The following YWHAB variants were observed in gnomAD, a reference collection of about 807,000 sequenced individuals.
YWHAB encodes the protein 14-3-3 protein beta/alpha.
Under a neutral mutation model 28.5 loss-of-function variants are expected in YWHAB, and 2 were observed. That is an observed-to-expected ratio of 0.07 (90% CI 0.03 to 0.22). The LOEUF (loss-of-function observed/expected upper bound fraction) is 0.22. Among genes scored for constraint, YWHAB ranks in the 10% least tolerant of loss-of-function variants. The probability of loss-of-function intolerance (pLI) is 1.00; values close to 1 mark genes in which losing one functional copy is unlikely to be tolerated. For missense variants in YWHAB, 148 were observed against 297.1 expected (o/e 0.50, Z 3.69); for synonymous variants, 103 against 104.7 (o/e 0.98, Z 0.10).
chr20:44,888,190 A>G (rs547890807), intron 1 of YWHAB, among the ~76,000 whole-genome samples: 2 of 152,208 alleles, frequency 1.3e-5, no homozygotes, highest in African/African-American at 2.4e-5. Context: ...ACGTGTATAG[A>G]TTAGACATAG....
chr20:44,898,930 A>G (rs899305235), intron 1 of YWHAB, among the ~76,000 whole-genome samples: 2 of 150,812 alleles, frequency 1.3e-5, no homozygotes, highest in Non-Finnish European at 3.0e-5. Flanking sequence ...CAGCCTGAGC[A>G]ATGTAGTGAA....
chr20:44,896,890 T>G (rs2066599195), intron 1 of YWHAB, among the ~76,000 whole-genome samples: 1 of 152,258 alleles, frequency 6.6e-6, no homozygotes, highest in African/African-American at 2.4e-5. Context: ...GACCTTTAGC[T>G]ATGGATTTTG....
In YWHAB at chr20:44,906,953, G is replaced by A. The variant is rs1446658980; in HGVS notation, c.*515G>A. The A allele has an allele frequency of 2.0e-5, 3 of 152,928 alleles. No homozygotes were observed. Among genetic ancestry groups the A allele is most frequent in the East Asian group, 1.9e-4 (1 of 5,208 alleles). 9.5% of individuals were successfully genotyped at this position (152,928 alleles called of 1,614,324 possible). A position where few individuals can be genotyped will look rare whatever the true frequency, so the allele number is the denominator to read the frequency against. On this transcript the variant is annotated 3_prime_UTR_variant, in exon 6 of 6. Transcript: ENST00000353703. ...ATTCACAGTAATGCTGCCGTTGTTC[G>A]GGACTTAAAGACACTTGACCTGTTT...
intron 1 of YWHAB, among the ~76,000 whole-genome samples, chr20:44,897,645 T>G (rs2066603762): frequency 6.6e-6 from 1 of 152,180 alleles, no homozygotes; most frequent in African/African-American, 2.4e-5. Flanking sequence ...GATACCAAAA[T>G]CTGAAGATAC....
At position 44,906,721 on chromosome 20, in the gene YWHAB, A is replaced by G. The variant is rs1276800539; in HGVS notation, c.*283A>G. ...TTTTTAAAAACTGAACACTGTGATTATGGGGTTTTGTAATTTAGCAGAACT... is the reference window on the plus strand; with the variant it reads ...TTTTTAAAAACTGAACACTGTGATTGTGGGGTTTTGTAATTTAGCAGAACT... On this transcript the variant is annotated 3_prime_UTR_variant, in exon 6 of 6. Coordinates refer to ENST00000353703, the MANE Select transcript of YWHAB (RefSeq NM_139323.4). The G allele has an allele frequency of 4.4e-6, 1 of 226,066 alleles. No individual in the cohort carries two copies. 14.0% of individuals were successfully genotyped at this position (226,066 alleles called of 1,614,324 possible).
In YWHAB at chr20:44,903,701, C is replaced by T. The variant is rs1173175156; in HGVS notation, c.301-292C>T. The T allele has an allele frequency of 3.7e-5, 8 of 215,964 alleles. No individual in the cohort carries two copies. In the East Asian group the frequency reaches 6.0e-4, roughly 16 times the overall value. 13.4% of individuals were successfully genotyped at this position (215,964 alleles called of 1,614,324 possible). A position where few individuals can be genotyped will look rare whatever the true frequency, so the allele number is the denominator to read the frequency against. On this transcript the variant is annotated intron_variant, in intron 2 of 5. Coordinates refer to ENST00000353703, the MANE Select transcript of YWHAB (RefSeq NM_139323.4). ...TTCCACTCAGATTTCTTTTGAGAGC[C>T]TTTCCATTATCTGTTTAGCTCTGCA... is the stretch of plus-strand genomic sequence containing the variant.
chr20:44,896,376 T>C (rs1014846368), intron 1 of YWHAB, among the ~76,000 whole-genome samples: 6 of 152,210 alleles, frequency 3.9e-5, no homozygotes, highest in African/African-American at 1.4e-4. Context: ...CTGTGAAGAA[T>C]CTTGTATGCA....
intron 1 of YWHAB, among the ~76,000 whole-genome samples, chr20:44,894,665 C>T (rs1282902283): frequency 6.6e-6 from 1 of 152,168 alleles, no homozygotes; most frequent in Admixed American, 6.5e-5. Flanking sequence ...AATAGTACTT[C>T]AGTTTGATTT....
chr20:44,891,273 T>G (rs933895233), intron 1 of YWHAB, among the ~76,000 whole-genome samples: 2 of 152,150 alleles, frequency 1.3e-5, no homozygotes, highest in Non-Finnish European at 2.9e-5. Flanking sequence ...CCGGCTAATT[T>G]TTTTATATAT....
chr20:44,898,579 G>C (rs2066608908), intron 1 of YWHAB, among the ~76,000 whole-genome samples: 1 of 151,044 alleles, frequency 6.6e-6, no homozygotes, highest in African/African-American at 2.4e-5. Flanking sequence ...CGCGATCTCT[G>C]CTCACTGCAA....
chr20:44,890,834 C>T (rs889841488), intron 1 of YWHAB, among the ~76,000 whole-genome samples: 7 of 151,804 alleles, frequency 4.6e-5, no homozygotes, highest in Admixed American at 1.3e-4. Flanking sequence ...GCTCACAATC[C>T]GGTGTGGGAG....
chr20:44,885,723 ACCG>A lies in YWHAB; in HGVS notation c.-157_-155del. 2 of 174,222 alleles carry A rather than the reference ACCG, an allele frequency of 1.1e-5. No homozygotes were observed. Among genetic ancestry groups the A allele is most frequent in the South Asian group, 2.3e-4 (2 of 8,872 alleles). 10.8% of individuals were successfully genotyped at this position (174,222 alleles called of 1,614,324 possible). On this transcript the variant is annotated 5_prime_UTR_variant, in exon 1 of 6. Transcript: ENST00000353703. ...TCGGAGCGGAAGTGGAGCTACCGCC[ACCG>A]CCGCCGCCGATTCCGGAGCCGGGGT...
At chr20:44,905,284 G>C in intron 4 of YWHAB, 153 bp downstream of exon 4, 2 of 641,338 alleles carry the variant, frequency 3.1e-6, no homozygotes, top group Non-Finnish European at 4.7e-6. Context: ...ATACAGATCT[G>C]TTACTTTTTT....
intron 1 of YWHAB, among the ~76,000 whole-genome samples, chr20:44,888,347 T>A (rs1352831397): frequency 3.9e-5 from 6 of 152,356 alleles, no homozygotes; most frequent in South Asian, 2.1e-4. Flanking sequence ...TTAAGCACTT[T>A]AAGCATATTA....
chr20:44,904,234 T>C, intron 3 of YWHAB, 118 bp downstream of exon 3: 1 of 1,309,558 alleles, frequency 7.6e-7, no homozygotes, highest in Non-Finnish European at 1.1e-6. Flanking sequence ...GTACTAAGAA[T>C]TTAAAAGACC....
At chr20:44,902,575 A>G (rs73294344) in intron 2 of YWHAB, 3,462 of 152,214 alleles carry the variant, frequency 0.023, 139 homozygotes, top group African/African-American at 0.078. Flanking sequence ...TTGGGGACCT[A>G]CCACCTTCCC....
intron 1 of YWHAB, among the ~76,000 whole-genome samples, chr20:44,891,432 A>G (rs961148776): frequency 1.7e-4 from 26 of 152,194 alleles, no homozygotes; most frequent in Non-Finnish European, 2.9e-5. Flanking sequence ...TGGATGAGAA[A>G]ACAAATTCAC....
chr20:44,885,754 TCGCCGC>T lies in YWHAB; in HGVS notation c.-123_-118del, dbSNP rs35664412. ...GCCGCCGATTCCGGAGCCGGGGTAG[TCGCCGC>T]CGCCGCCGCCGCTGCAGCCACTGCA... On this transcript the variant is annotated 5_prime_UTR_variant, in exon 1 of 6. Transcript: ENST00000353703. 2 of 178,156 alleles carry T rather than the reference TCGCCGC, an allele frequency of 1.1e-5. No individual in the cohort carries two copies. Among genetic ancestry groups the T allele is most frequent in the Non-Finnish European group, 2.3e-5 (2 of 86,276 alleles). The allele number at this position is 178,156 out of a possible 1,614,324, so 11.0% of individuals were successfully genotyped here.
chr20:44,893,694 C>CTTTTT lies in YWHAB; in HGVS notation c.-3-7820_-3-7816dup, dbSNP rs3091859. 8.8e-4 allele frequency among the ~76,000 whole-genome samples: 91 copies of CTTTTT among 103,776 alleles called. 2 individuals carry two copies. The highest frequency in any genetic ancestry group is 2.8e-3 in the African/African-American group (69 of 24,676). 68.1% of individuals were successfully genotyped at this position (103,776 alleles called of 152,430 possible). On this transcript the variant is annotated intron_variant, in intron 1 of 5. Coordinates refer to ENST00000353703, the MANE Select transcript of YWHAB (RefSeq NM_139323.4). Reference sequence around the variant, plus strand: ...CCATCTATCTCCTTCCCTCCCCTGCCTTTTTTTTTTTTTTTTTTTTTGAGA... The same window carrying CTTTTT: ...CCATCTATCTCCTTCCCTCCCCTGCCTTTTTTTTTTTTTTTTTTTTTTTTTTGAGA...
Sources: allele counts gnomAD v4.1 joint callset (sites outside exome capture counted in the v4.1 genomes callset), GRCh38; gene constraint gnomAD v4.1.1; transcripts MANE v1.5; gene names NCBI Gene and HGNC (gene_info 2026-07-23, HGNC 2026-07-21).